Variants in MITF observed in about 807,000 individuals in gnomAD.
The protein encoded by MITF is microphthalmia-associated transcription factor.
In MITF, 17 loss-of-function variants were observed where a neutral mutation model predicts 60.5. That is an observed-to-expected ratio of 0.28 (90% confidence interval 0.19 to 0.42). The LOEUF (loss-of-function observed/expected upper bound fraction) is 0.42, where lower values mean the gene tolerates loss of function less well. MITF is among the 10% of genes least tolerant of loss of function. The probability of loss-of-function intolerance (pLI) is 1.00; values close to 1 mark genes in which losing one functional copy is unlikely to be tolerated. For missense variants in MITF, 622 were observed against 683.5 expected, an observed-to-expected ratio of 0.91 and a Z score of 1.00; for synonymous variants, 260 against 248.5, an observed-to-expected ratio of 1.05 and a Z score of -0.43.
chr3:69,866,056 T>C (rs1575841775), intron 1 of MITF, among the ~76,000 whole-genome samples: 1 of 152,286 alleles, frequency 6.6e-6, no homozygotes. Context: ...GGTCCTTGAG[T>C]AGCCCTCATT....
At chr3:69,798,503 C>A (rs2062866898) in intron 1 of MITF, among the ~76,000 whole-genome samples, 1 of 152,192 alleles carries the variant, frequency 6.6e-6, no homozygotes, top group South Asian at 2.1e-4. Context: ...CAAGTGATAG[C>A]TGCTACTATT....
intron 1 of MITF, among the ~76,000 whole-genome samples, chr3:69,794,950 G>A (rs989175762): frequency 2.0e-5 from 3 of 152,202 alleles, no homozygotes; most frequent in African/African-American, 7.2e-5. Flanking sequence ...TGTACTTTTT[G>A]ATGCTGTGTG....
At chr3:69,853,038 TAA>T (rs543065358) in intron 1 of MITF, among the ~76,000 whole-genome samples, 6 of 151,560 alleles carry the variant, frequency 4.0e-5, no homozygotes, top group African/African-American at 1.5e-4. Context: ...AATAAAACAT[TAA>T]AAAAAAATTC....
intron 1 of MITF, among the ~76,000 whole-genome samples, chr3:69,750,951 A>T (rs1374313876): frequency 1.3e-5 from 2 of 152,150 alleles, no homozygotes; most frequent in Non-Finnish European, 2.9e-5. Context: ...AAGTCTAAAG[A>T]TGGGGCTAAC....
intron 1 of MITF, among the ~76,000 whole-genome samples, chr3:69,778,310 T>C (rs1034103790): frequency 5.3e-5 from 8 of 152,164 alleles, no homozygotes; most frequent in Non-Finnish European, 1.0e-4. Flanking sequence ...TGGGGTATAA[T>C]AGATGAGTAT....
At chr3:69,911,050 CA>C (rs1165412169) in intron 2 of MITF, among the ~76,000 whole-genome samples, 5 of 151,992 alleles carry the variant, frequency 3.3e-5, no homozygotes, top group Admixed American at 3.3e-4. Context: ...GGCAGGGACC[CA>C]GGGGGAGGTA....
At chr3:69,961,017 T>A (rs1343094635) in intron 9 of MITF, among the ~76,000 whole-genome samples, 1 of 152,234 alleles carries the variant, frequency 6.6e-6, no homozygotes, top group Non-Finnish European at 1.5e-5. Context: ...GCTTTTGTTG[T>A]TGGTTTTATG....
intron 1 of MITF, among the ~76,000 whole-genome samples, chr3:69,775,707 A>G (rs2062463051): frequency 6.6e-6 from 1 of 152,220 alleles, no homozygotes; most frequent in African/African-American, 2.4e-5. Flanking sequence ...AATAGGATTC[A>G]TAATCCTTTT....
chr3:69,966,692 CA>C lies in MITF; in HGVS notation c.*1445del. 1 of 232,966 alleles carries C rather than the reference CA, an allele frequency of 4.3e-6. No individual in the cohort carries two copies. Among genetic ancestry groups the C allele is most frequent in the Non-Finnish European group, 8.5e-6 (1 of 117,650 alleles). 14.4% of individuals were successfully genotyped at this position (232,966 alleles called of 1,614,324 possible). Reference sequence around the variant, plus strand: ...CTACTTGTGTAGTCCTATGCAATAACAGTAGTGTTACATGTATCAAGCCTAG... The same window carrying C: ...CTACTTGTGTAGTCCTATGCAATAACGTAGTGTTACATGTATCAAGCCTAG... On this transcript the variant is annotated 3_prime_UTR_variant, in exon 10 of 10. Coordinates refer to ENST00000352241, the MANE Select transcript of MITF (RefSeq NM_001354604.2).
Position 69,797,100 on chromosome 3 carries a change from C to T in MITF, c.104+57399C>T, listed in dbSNP as rs113107148. On this transcript the variant is annotated intron_variant, in intron 1 of 9. Transcript: ENST00000352241. Reference sequence around the variant, plus strand: ...AATGGGAGTATGCAGGGATTTGTATCATAATTTAGTCCAGAGGGTATACCT... The same window carrying T: ...AATGGGAGTATGCAGGGATTTGTATTATAATTTAGTCCAGAGGGTATACCT... Among the ~76,000 whole-genome samples, 660 of 152,230 alleles carry T rather than the reference C, an allele frequency of 4.3e-3. 6 individuals are homozygous for T. Among genetic ancestry groups the T allele is most frequent in the African/African-American group, 0.015 (612 of 41,542 alleles).
intron 1 of MITF, among the ~76,000 whole-genome samples, chr3:69,756,927 G>A (rs2106788216): frequency 6.6e-6 from 1 of 152,282 alleles, no homozygotes; most frequent in Middle Eastern, 3.4e-3. Context: ...CCGCATAAAT[G>A]TCTTCTTTTG....
chr3:69,744,677 T>C (rs1703653605), intron 1 of MITF, among the ~76,000 whole-genome samples: 2 of 152,332 alleles, frequency 1.3e-5, no homozygotes, highest in South Asian at 4.1e-4. Context: ...TTTTGGAAGG[T>C]GTTTTGCATT....
At chr3:69,826,696 G>A (rs1465214564) in intron 1 of MITF, among the ~76,000 whole-genome samples, 1 of 152,094 alleles carries the variant, frequency 6.6e-6, no homozygotes, top group Non-Finnish European at 1.5e-5. Context: ...AGTTGTGCAG[G>A]GTTTGGGAAA....
At chr3:69,748,442 T>C (rs1262286968) in intron 1 of MITF, among the ~76,000 whole-genome samples, 2 of 152,190 alleles carry the variant, frequency 1.3e-5, no homozygotes, top group African/African-American at 4.8e-5. Context: ...GGTTTCGCCA[T>C]GTTGGCTAGG....
chr3:69,764,048 A>G (rs1443085711), intron 1 of MITF: 1 of 896,460 alleles, frequency 1.1e-6, no homozygotes, highest in Non-Finnish European at 1.5e-6. Flanking sequence ...GTTCTTGTTC[A>G]TAAATGGCTA....
chr3:69,878,557 G>A (rs1029931023), intron 1 of MITF, among the ~76,000 whole-genome samples: 1 of 152,100 alleles, frequency 6.6e-6, no homozygotes, highest in African/African-American at 2.4e-5. Context: ...GAGCGAGGTC[G>A]AGTTCAGTGT....
At chr3:69,915,180 T>G (rs2065307033) in intron 2 of MITF, among the ~76,000 whole-genome samples, 1 of 152,150 alleles carries the variant, frequency 6.6e-6, no homozygotes, top group African/African-American at 2.4e-5. Flanking sequence ...TCTCTAAAGC[T>G]CAGTAGAGAT....
chr3:69,926,803 CA>C (rs1304311900), intron 2 of MITF, among the ~76,000 whole-genome samples: 4 of 152,084 alleles, frequency 2.6e-5, no homozygotes, highest in African/African-American at 9.7e-5. Context: ...AATGTTAGAC[CA>C]AAAATTTCAG....
rs1232767530 is a variant in MITF, at chr3:69,965,718, T to C, written c.*470T>C. 4.1e-6 allele frequency: 1 copy of C among 243,430 alleles called. No homozygotes were observed. 15.1% of individuals were successfully genotyped at this position (243,430 alleles called of 1,614,324 possible). A position where few individuals can be genotyped will look rare whatever the true frequency, so the allele number is the denominator to read the frequency against. ...AACCCTTTTCCATTTTATAAATGTA[T>C]TGATTCATTGGTACTGCCTTAAAGA... On this transcript the variant is annotated 3_prime_UTR_variant, in exon 10 of 10. Transcript: ENST00000352241.
Sources: allele counts gnomAD v4.1 joint callset (sites outside exome capture counted in the v4.1 genomes callset), GRCh38; gene constraint gnomAD v4.1.1; transcripts MANE v1.5; gene names NCBI Gene and HGNC (gene_info 2026-07-23, HGNC 2026-07-21).